Variants in ARHGAP15 observed in about 807,000 individuals in gnomAD.
ARHGAP15 encodes rho GTPase-activating protein 15.
In ARHGAP15, 51 loss-of-function variants were observed where a neutral mutation model predicts 63.7. The ratio of observed to expected loss-of-function variants is 0.80; its 90% CI spans 0.64 to 1.01. The LOEUF is 1.01. ARHGAP15 is among the 50% of genes least tolerant of loss of function. The pLI is 0.00. For missense variants in ARHGAP15, 560 were observed against 564.6 expected (o/e 0.99, Z 0.08); for synonymous variants, 191 against 193.8 (o/e 0.99, Z 0.12).
At chr2:143,611,245 C>T (rs1468921330) in intron 11 of ARHGAP15, among the ~76,000 whole-genome samples, 1 of 152,018 alleles carries the variant, frequency 6.6e-6, no homozygotes, top group Non-Finnish European at 1.5e-5. Context: ...GTTATTAGTT[C>T]CAGGGCATAA....
chr2:143,149,972 C>T (rs1013769083), intron 1 of ARHGAP15, among the ~76,000 whole-genome samples: 3 of 151,988 alleles, frequency 2.0e-5, no homozygotes, highest in African/African-American at 7.2e-5. Flanking sequence ...ATTTTCTTTA[C>T]ATTTCTTGTT....
intron 8 of ARHGAP15, among the ~76,000 whole-genome samples, chr2:143,478,789 A>C (rs1302509864): frequency 6.6e-6 from 1 of 152,226 alleles, no homozygotes. Flanking sequence ...TATAACTTAT[A>C]ATCTAAGAAA....
At chr2:143,439,283 C>A (rs1404992040) in intron 8 of ARHGAP15, among the ~76,000 whole-genome samples, 1 of 151,484 alleles carries the variant, frequency 6.6e-6, no homozygotes, top group African/African-American at 2.4e-5. Context: ...ATTAGCCGGG[C>A]ATGGTGGCGA....
intron 6 of ARHGAP15, among the ~76,000 whole-genome samples, chr2:143,264,539 A>T (rs1252552060): frequency 6.6e-6 from 1 of 152,090 alleles, no homozygotes; most frequent in Admixed American, 6.6e-5. Context: ...CCACCCTGGT[A>T]TATGAATGAC....
At chr2:143,437,091 G>A in intron 8 of ARHGAP15, 49 bp downstream of exon 8, 1 of 1,547,692 alleles carries the variant, frequency 6.5e-7, no homozygotes, top group Non-Finnish European at 8.7e-7. Flanking sequence ...TAAATGCAGT[G>A]CTTATGAAAT....
intron 1 of ARHGAP15, among the ~76,000 whole-genome samples, chr2:143,141,945 T>G (rs1230023152): frequency 6.6e-6 from 1 of 152,062 alleles, no homozygotes; most frequent in East Asian, 1.9e-4. Context: ...AGAGGACCTG[T>G]AGACAAGAGA....
At chr2:143,201,767 G>A (rs570239048) in intron 2 of ARHGAP15, among the ~76,000 whole-genome samples, 5 of 152,264 alleles carry the variant, frequency 3.3e-5, no homozygotes. Context: ...GGACACAGGA[G>A]AATGTATGAC....
chr2:143,267,626 G>A (rs1681061612), intron 6 of ARHGAP15, among the ~76,000 whole-genome samples: 1 of 152,116 alleles, frequency 6.6e-6, no homozygotes, highest in Non-Finnish European at 1.5e-5. Context: ...ATATGTAAAT[G>A]GGTTTAGTCC....
intron 13 of ARHGAP15, among the ~76,000 whole-genome samples, chr2:143,715,109 A>C (rs1439811478): frequency 6.6e-6 from 1 of 152,214 alleles, no homozygotes; most frequent in African/African-American, 2.4e-5. Context: ...AATTGGACTT[A>C]CAGTTCCACA....
chr2:143,685,799 C>T (rs901157397), intron 12 of ARHGAP15, among the ~76,000 whole-genome samples: 8 of 152,200 alleles, frequency 5.3e-5, no homozygotes, highest in African/African-American at 1.4e-4. Flanking sequence ...GTCTGCTTAA[C>T]TCAATTTGTC....
At chr2:143,576,864 G>A (rs1696700361) in intron 11 of ARHGAP15, among the ~76,000 whole-genome samples, 2 of 151,984 alleles carry the variant, frequency 1.3e-5, no homozygotes, top group African/African-American at 4.8e-5. Flanking sequence ...TATTTCTATT[G>A]GAATGAAAGG....
At position 143,429,168 on chromosome 2, in the gene ARHGAP15, T is replaced by C. The variant is rs1373592452; in HGVS notation, c.475-6433T>C. ...ATTCTTTCATGAATATTGAGAAGAC[T>C]GTTTCTCAGTACTTAAAATATTTTA... On this transcript the variant is annotated intron_variant, in intron 6 of 13. Coordinates refer to ENST00000295095, the MANE Select transcript of ARHGAP15 (RefSeq NM_018460.4). Among the ~76,000 whole-genome samples the C allele has an allele frequency of 2.6e-5, 4 of 152,012 alleles. No homozygotes were observed. In the East Asian group the frequency reaches 7.7e-4, roughly 29 times the overall value.
At chr2:143,294,039 G>A (rs891268178) in intron 6 of ARHGAP15, among the ~76,000 whole-genome samples, 12 of 151,936 alleles carry the variant, frequency 7.9e-5, no homozygotes, top group African/African-American at 2.4e-4. Flanking sequence ...AACTCTTCTG[G>A]TATTTGTCAT....
chr2:143,149,936 T>C (rs1186307566), intron 1 of ARHGAP15, among the ~76,000 whole-genome samples: 1 of 152,086 alleles, frequency 6.6e-6, no homozygotes, highest in African/African-American at 2.4e-5. Flanking sequence ...CTAACGTGGC[T>C]ACACTATGAT....
chr2:143,681,233 G>A (rs972936788), intron 12 of ARHGAP15, among the ~76,000 whole-genome samples: 1 of 152,188 alleles, frequency 6.6e-6, no homozygotes, highest in South Asian at 2.1e-4. Context: ...TGGTCCCAAT[G>A]TCAGTTGGCT....
chr2:143,216,379 T>G lies in ARHGAP15; in HGVS notation c.235-5T>G. The G allele has an allele frequency of 1.2e-6, 2 of 1,609,378 alleles. No individual in the cohort carries two copies. Among genetic ancestry groups the G allele is most frequent in the Non-Finnish European group, 1.7e-6 (2 of 1,177,388 alleles). Reference sequence around the variant, plus strand: ...ACGGTTTTAACATATGCATTCTTCTTGCAGATGGTTGAAAAAGAAGGTTAT... The same window carrying G: ...ACGGTTTTAACATATGCATTCTTCTGGCAGATGGTTGAAAAAGAAGGTTAT... On this transcript the variant is annotated splice_polypyrimidine_tract_variant and splice_region_variant and intron_variant, in intron 3 of 13. Coordinates refer to ENST00000295095, the MANE Select transcript of ARHGAP15 (RefSeq NM_018460.4).
At chr2:143,633,326 C>T (rs1022183035) in intron 12 of ARHGAP15, among the ~76,000 whole-genome samples, 3 of 152,058 alleles carry the variant, frequency 2.0e-5, no homozygotes, top group Non-Finnish European at 4.4e-5. Flanking sequence ...GCACAGGTGT[C>T]TTTTTGTAAG....
At chr2:143,201,022 C>A (rs1349018252) in intron 2 of ARHGAP15, among the ~76,000 whole-genome samples, 1 of 152,058 alleles carries the variant, frequency 6.6e-6, no homozygotes, top group African/African-American at 2.4e-5. Flanking sequence ...GTTTCTACCC[C>A]ACGATATATT....
intron 12 of ARHGAP15, among the ~76,000 whole-genome samples, chr2:143,663,471 G>C (rs1256955985): frequency 5.5e-5 from 8 of 144,580 alleles, no homozygotes; most frequent in East Asian, 4.2e-4. Flanking sequence ...ATGCCAAAAT[G>C]TAAAGACCAT....
Sources: gnomAD v4.1 joint callset for allele counts (sites outside exome capture counted in the v4.1 genomes callset) on GRCh38, gnomAD v4.1.1 for gene constraint, MANE v1.5 for transcripts, NCBI Gene and HGNC (gene_info 2026-07-23, HGNC 2026-07-21) for gene names.